EPS8: variants seen among roughly 807,000 people sequenced by gnomAD.
EPS8 encodes the protein EGFR pathway substrate 8, signaling adaptor, also known as epidermal growth factor receptor kinase substrate 8.
EPS8 carries 42 observed loss-of-function variants against 103.8 expected under a neutral mutation model. The observed-to-expected ratio is 0.40, with a 90% confidence interval of 0.32 to 0.52. EPS8 has a LOEUF of 0.52. EPS8 is among the 20% of genes least tolerant of loss of function. The pLI is 0.40. For missense variants in EPS8, 969 were observed against 1,005.1 expected (o/e 0.96, Z 0.49); for synonymous variants, 344 against 344.6 (o/e 1.00, Z 0.02).
chr12:15,630,099 A>G (rs1945017633), intron 18 of EPS8, among the ~76,000 whole-genome samples: 1 of 152,108 alleles, frequency 6.6e-6, no homozygotes, highest in African/African-American at 2.4e-5. Flanking sequence ...ACTACAGTAA[A>G]AGTATGTTTA....
chr12:15,733,267 C>A lies in EPS8; in HGVS notation c.-21-50295G>T, dbSNP rs1311337251. 3.3e-5 allele frequency among the ~76,000 whole-genome samples: 5 copies of A among 152,184 alleles called. No individual in the cohort carries two copies. The East Asian group carries it at 7.7e-4, about 24-fold the overall frequency. On this transcript the variant is annotated intron_variant, in intron 1 of 20. Coordinates refer to ENST00000281172, the MANE Select transcript of EPS8 (RefSeq NM_004447.6). The surrounding 1 kb of genome is among the most constrained non-coding windows in gnomAD (Gnocchi z 4.8). ...GGTGGAAGGGGAAGGGGAAGCAAGC[C>A]CGTCTAACAGGTGAGAGGGGACAGT... is the stretch of plus-strand genomic sequence containing the variant.
intron 1 of EPS8, among the ~76,000 whole-genome samples, chr12:15,750,823 T>C (rs1946924116): frequency 6.6e-6 from 1 of 152,206 alleles, no homozygotes; most frequent in African/African-American, 2.4e-5. Context: ...TTTAGAAACA[T>C]ATCTACCAAT....
In EPS8 at chr12:15,769,398, G is replaced by C. The variant is rs1360181404; in HGVS notation, c.-22+19763C>G. Among the ~76,000 whole-genome samples, 1 of 151,832 alleles carries C rather than the reference G, an allele frequency of 6.6e-6. No individual in the cohort carries two copies. The highest frequency in any genetic ancestry group is 1.5e-5 in the Non-Finnish European group (1 of 67,970). ...ACAACAAGAATAAGAAAAAATAAAT[G>C]AAAAATGCATTTTCAAGGATATATT... On this transcript the variant is annotated intron_variant, in intron 1 of 20. Transcript: ENST00000281172. The surrounding 1 kb of genome is among the most constrained non-coding windows in gnomAD (Gnocchi z 4.6).
Position 15,731,149 on chromosome 12 carries a change from G to T in EPS8, c.-21-48177C>A, listed in dbSNP as rs1331354652. ...AGATAGAATAATTAAAATGTCATGG[G>T]CAACTGCTATCCAGGTTTTTAGCTA... On this transcript the variant is annotated intron_variant, in intron 1 of 20. Coordinates refer to ENST00000281172, the MANE Select transcript of EPS8 (RefSeq NM_004447.6). This position sits in a 1 kb window ranked among gnomAD's most constrained non-coding sequence, Gnocchi z 5.1. Among the ~76,000 whole-genome samples, 4 of 152,138 alleles carry T rather than the reference G, an allele frequency of 2.6e-5. No homozygotes were observed. Among genetic ancestry groups the T allele is most frequent in the Non-Finnish European group, 1.5e-5 (1 of 68,030 alleles).
chr12:15,777,166 GA>G lies in EPS8; in HGVS notation c.-22+11994del. Among the ~76,000 whole-genome samples the G allele has an allele frequency of 6.6e-6, 1 of 151,848 alleles. No individual in the cohort carries two copies. The highest frequency in any genetic ancestry group is 1.5e-5 in the Non-Finnish European group (1 of 67,974). ...TTTTAAGATTCTTTACAATGCCATGGAGTAGCCTATATAAATTTTTTTTTTA... is the reference window on the plus strand; with the variant it reads ...TTTTAAGATTCTTTACAATGCCATGGGTAGCCTATATAAATTTTTTTTTTA... On this transcript the variant is annotated intron_variant, in intron 1 of 20. Coordinates refer to ENST00000281172, the MANE Select transcript of EPS8 (RefSeq NM_004447.6). This position sits in a 1 kb window ranked among gnomAD's most constrained non-coding sequence, Gnocchi z 4.7.
At position 15,789,076 on chromosome 12, in the gene EPS8, C is replaced by T. The variant is rs909377295; in HGVS notation, c.-22+85G>A. ...GCGGCTCCTGGCACCGCTCCGATTCCAGCACACAAAGGCGGATTTTTAAAA... is the reference window on the plus strand; with the variant it reads ...GCGGCTCCTGGCACCGCTCCGATTCTAGCACACAAAGGCGGATTTTTAAAA... On this transcript the variant is annotated intron_variant, in intron 1 of 20. Transcript: ENST00000281172. This position sits in a 1 kb window ranked among gnomAD's most constrained non-coding sequence, Gnocchi z 6.1. 3.9e-5 allele frequency: 6 copies of T among 152,176 alleles called. No homozygotes were observed. Among genetic ancestry groups the T allele is most frequent in the Non-Finnish European group, 7.4e-5 (5 of 68,026 alleles). 9.4% of individuals were successfully genotyped at this position (152,176 alleles called of 1,614,324 possible).
chr12:15,629,072 T>A (rs1027503410), intron 18 of EPS8, among the ~76,000 whole-genome samples: 8 of 152,358 alleles, frequency 5.3e-5, no homozygotes, highest in African/African-American at 1.9e-4. Context: ...AGATTTTTAA[T>A]ATTCTAAGGA....
Position 15,737,000 on chromosome 12 carries a change from T to C in EPS8, c.-22+52161A>G, listed in dbSNP as rs1946772981. Among the ~76,000 whole-genome samples the C allele has an allele frequency of 6.6e-6, 1 of 152,174 alleles. No individual in the cohort carries two copies. Among genetic ancestry groups the C allele is most frequent in the African/African-American group, 2.4e-5 (1 of 41,466 alleles). ...GTAGCTAGACAGCTAGGAAACTCAGTTGTTTTTGAATTTGAAAAGCACACT... is the reference window on the plus strand; with the variant it reads ...GTAGCTAGACAGCTAGGAAACTCAGCTGTTTTTGAATTTGAAAAGCACACT... On this transcript the variant is annotated intron_variant, in intron 1 of 20. Coordinates refer to ENST00000281172, the MANE Select transcript of EPS8 (RefSeq NM_004447.6). This position sits in a 1 kb window ranked among gnomAD's most constrained non-coding sequence, Gnocchi z 4.2.
At chr12:15,627,314 T>G (rs1039329720) in intron 18 of EPS8, among the ~76,000 whole-genome samples, 4 of 148,560 alleles carry the variant, frequency 2.7e-5, no homozygotes, top group African/African-American at 1.0e-4. Context: ...AACTTAATCG[T>G]TTTTTAACCT....
At position 15,757,711 on chromosome 12, in the gene EPS8, C is replaced by T. The variant is rs1342397468; in HGVS notation, c.-22+31450G>A. Among the ~76,000 whole-genome samples, 1 of 152,204 alleles carries T rather than the reference C, an allele frequency of 6.6e-6. No homozygotes were observed. Among genetic ancestry groups the T allele is most frequent in the Non-Finnish European group, 1.5e-5 (1 of 68,036 alleles). On this transcript the variant is annotated intron_variant, in intron 1 of 20. Coordinates refer to ENST00000281172, the MANE Select transcript of EPS8 (RefSeq NM_004447.6). This position sits in a 1 kb window ranked among gnomAD's most constrained non-coding sequence, Gnocchi z 4.1. Reference sequence around the variant, plus strand: ...CAAGCCTCATCAGTAACAAGTCACACTGACATTACATGCCCCCTAATGTGA... The same window carrying T: ...CAAGCCTCATCAGTAACAAGTCACATTGACATTACATGCCCCCTAATGTGA...
rs1315968756 is a variant in EPS8, at chr12:15,778,191, C to G, written c.-22+10970G>C. Among the ~76,000 whole-genome samples the G allele has an allele frequency of 1.3e-5, 2 of 152,102 alleles. No individual in the cohort carries two copies. Among genetic ancestry groups the G allele is most frequent in the Non-Finnish European group, 2.9e-5 (2 of 68,014 alleles). ...AAAATAGAAGTGATAATACTTTAAG[C>G]AAATCTGAGAATTAATGCACACGAA... On this transcript the variant is annotated intron_variant, in intron 1 of 20. Transcript: ENST00000281172. The surrounding 1 kb of genome is among the most constrained non-coding windows in gnomAD (Gnocchi z 4.5).
chr12:15,652,200 C>T (rs1186487798), intron 13 of EPS8, among the ~76,000 whole-genome samples: 2 of 152,022 alleles, frequency 1.3e-5, no homozygotes, highest in African/African-American at 4.8e-5. Flanking sequence ...TTCCATTAAG[C>T]GAAATAAGCT....
intron 6 of EPS8, among the ~76,000 whole-genome samples, chr12:15,667,729 C>T (rs758794179): frequency 7.2e-5 from 11 of 152,086 alleles, no homozygotes; most frequent in East Asian, 5.8e-4. Flanking sequence ...AAAGAAACTG[C>T]GTTTTTCATT....
rs1166008157 is a variant in EPS8 at position 15,666,479 on chromosome 12, C to G, written c.560G>C (p.Ser187Thr). The change falls in exon 7 of 21, where the codon AGT becomes ACT. Residue 187 changes from serine to threonine, a missense_variant. By Grantham distance (58) the Ser-to-Thr change is moderately conservative. Coordinates refer to ENST00000281172, the MANE Select transcript of EPS8 (RefSeq NM_004447.6). Reference protein sequence around the residue: ...SEDIESAISDSKGGKQKRRPD... With the variant: ...SEDIESAISDTKGGKQKRRPD... ...CCGCCTCTTCTGTTTCCCTCCTTTA[C>G]TGTCACTGATTGCACTTTCAATATC... The G allele has an allele frequency of 3.1e-6, 5 of 1,613,944 alleles. No homozygotes were observed. In the South Asian group the frequency reaches 4.4e-5, roughly 14 times the overall value.
At position 15,700,551 on chromosome 12, in the gene EPS8, T is replaced by TA. The variant is rs567588248; in HGVS notation, c.-21-17580dup. Among the ~76,000 whole-genome samples the TA allele has an allele frequency of 6.6e-4, 101 of 152,256 alleles. 1 individual carries two copies. The highest frequency in any genetic ancestry group is 2.3e-3 in the African/African-American group (95 of 41,536). On this transcript the variant is annotated intron_variant, in intron 1 of 20. Transcript: ENST00000281172. The surrounding 1 kb of genome is among the most constrained non-coding windows in gnomAD (Gnocchi z 5.1). ...GAAGTATAGAATTAAATTGAAAATT[T>TA]AAAAAGAAATTTATTCCACAGAATT...
rs191567451 is a variant in EPS8, at chr12:15,749,238, G to A, written c.-22+39923C>T. On this transcript the variant is annotated intron_variant, in intron 1 of 20. Coordinates refer to ENST00000281172, the MANE Select transcript of EPS8 (RefSeq NM_004447.6). The surrounding 1 kb of genome is among the most constrained non-coding windows in gnomAD (Gnocchi z 4.0). The stretch of plus-strand genomic sequence containing the variant: ...TTCTGGTTTCCAACACTGTCCAATA[G>A]GTTTTTCAATATATCTTTTAATATA... 6.6e-6 allele frequency among the ~76,000 whole-genome samples: 1 copy of A among 152,080 alleles called. No homozygotes were observed. Among genetic ancestry groups the A allele is most frequent in the Non-Finnish European group, 1.5e-5 (1 of 67,958 alleles).
intron 1 of EPS8, among the ~76,000 whole-genome samples, chr12:15,788,422 GA>G (rs1310327951): frequency 3.9e-5 from 6 of 152,172 alleles, no homozygotes; most frequent in Non-Finnish European, 8.8e-5. Flanking sequence ...GAGGATTTGA[GA>G]AACACTGCCG....
chr12:15,705,463 C>T (rs1332920115), intron 1 of EPS8, among the ~76,000 whole-genome samples: 2 of 151,656 alleles, frequency 1.3e-5, no homozygotes, highest in African/African-American at 4.9e-5. Context: ...AAAATAACAC[C>T]CACTAGTACT....
rs137965545 is a variant in EPS8 at position 15,765,594 on chromosome 12, C to T, written c.-22+23567G>A. The stretch of plus-strand genomic sequence containing the variant: ...TTAATTATTAAAAGAAAATGAGATA[C>T]TGAAATTATTGGGGGTAGAGAAGAA... On this transcript the variant is annotated intron_variant, in intron 1 of 20. Transcript: ENST00000281172. Among the ~76,000 whole-genome samples, 1,243 of 151,936 alleles carry T rather than the reference C, an allele frequency of 8.2e-3. 20 individuals carry two copies. The highest frequency in any genetic ancestry group is 0.028 in the African/African-American group (1,160 of 41,450).
Sources: gnomAD v4.1 joint callset for allele counts (sites outside exome capture counted in the v4.1 genomes callset) on GRCh38, gnomAD v4.1.1 for gene constraint, Gnocchi (gnomAD v3.1) non-coding constraint, MANE v1.5 for transcripts, NCBI Gene and HGNC (gene_info 2026-07-23, HGNC 2026-07-21) for gene names.